The following RAB5A variants were observed in gnomAD, a reference collection of about 807,000 sequenced individuals.
RAB5A encodes the protein RAB5A, member RAS oncogene family, also known as ras-related protein Rab-5A.
RAB5A carries 8 observed loss-of-function variants against 25.7 expected under a neutral mutation model. The observed-to-expected ratio is 0.31, with a 90% CI of 0.18 to 0.56. The LOEUF is 0.56. RAB5A is among the 20% of genes least tolerant of loss of function. The pLI is 0.91. For missense variants in RAB5A, 192 were observed against 259.7 expected (o/e 0.74, Z 1.79); for synonymous variants, 98 against 89.8 (o/e 1.09, Z -0.52).
chr3:19,956,498 G>A (rs561812362), intron 2 of RAB5A, among the ~76,000 whole-genome samples: 1 of 152,190 alleles, frequency 6.6e-6, no homozygotes, highest in Non-Finnish European at 1.5e-5. Flanking sequence ...TAAGTGAAGT[G>A]CTGTTTCTAC....
intron 2 of RAB5A, among the ~76,000 whole-genome samples, chr3:19,969,327 A>G (rs1416339233): frequency 6.6e-6 from 1 of 151,940 alleles, no homozygotes; most frequent in African/African-American, 2.4e-5. Context: ...TACAGGCGTG[A>G]GCCACCATGC....
At chr3:19,948,354 A>G (rs535557226) in intron 1 of RAB5A, among the ~76,000 whole-genome samples, 1 of 152,378 alleles carries the variant, frequency 6.6e-6, no homozygotes, top group East Asian at 1.9e-4. Flanking sequence ...AATACTCAAG[A>G]CTGCTCATAA....
chr3:19,964,557 C>T (rs1696634363), intron 2 of RAB5A, among the ~76,000 whole-genome samples: 1 of 152,228 alleles, frequency 6.6e-6, no homozygotes, highest in African/African-American at 2.4e-5. Flanking sequence ...CTGACTTTAT[C>T]AGTTTATTCT....
chr3:19,982,625 A>G (rs768920531), intron 5 of RAB5A, among the ~76,000 whole-genome samples: 6 of 152,020 alleles, frequency 3.9e-5, no homozygotes, highest in Non-Finnish European at 8.8e-5. Context: ...GAGGCGGAAG[A>G]GTTGCTTGAG....
intron 5 of RAB5A, among the ~76,000 whole-genome samples, chr3:19,982,957 G>A (rs1455033292): frequency 6.6e-6 from 1 of 152,158 alleles, no homozygotes; most frequent in Non-Finnish European, 1.5e-5. Flanking sequence ...GTTTGTGGCA[G>A]TCTAGAGAAC....
Position 19,983,869 on chromosome 3 carries a change from TTAA to T in RAB5A, c.*50_*52del. ...GGAATAGTCTTCTGCTTCCTAAATG[TTAA>T]TAACAATGGAATTGGAGCATTTAAC... On this transcript the variant is annotated 3_prime_UTR_variant, in exon 6 of 6. Transcript: ENST00000273047. The T allele has an allele frequency of 7.7e-7, 1 of 1,297,374 alleles. No homozygotes were observed. Among genetic ancestry groups the T allele is most frequent in the Admixed American group, 1.9e-5 (1 of 52,990 alleles). 80.4% of individuals were successfully genotyped at this position (1,297,374 alleles called of 1,614,324 possible).
intron 4 of RAB5A, among the ~76,000 whole-genome samples, chr3:19,977,163 C>T (rs1331697850): frequency 7.7e-6 from 1 of 130,376 alleles, no homozygotes; most frequent in Non-Finnish European, 1.8e-5. Flanking sequence ...AGCTCCACCT[C>T]CTGGGCTTAC....
At chr3:19,962,916 G>T (rs986712486) in intron 2 of RAB5A, among the ~76,000 whole-genome samples, 9 of 152,046 alleles carry the variant, frequency 5.9e-5, no homozygotes, top group African/African-American at 1.4e-4. Flanking sequence ...GGGCTCAAAT[G>T]ATATTTCCAC....
At chr3:19,978,519 A>G in intron 5 of RAB5A, 116 bp downstream of exon 5, 1 of 652,758 alleles carries the variant, frequency 1.5e-6, no homozygotes, top group Non-Finnish European at 2.8e-6. Context: ...GTGTATGTTT[A>G]TGTGTGTGTG....
rs371472882 is a variant in RAB5A, at chr3:19,964,285, C to T, written c.164-11316C>T. On this transcript the variant is annotated intron_variant, in intron 2 of 5. Transcript: ENST00000273047. ...TATCTATATATCTGTATCTATATAT[C>T]CCTTAAAGCTAAGCTAATTTCCTTA... 2.6e-5 allele frequency among the ~76,000 whole-genome samples: 4 copies of T among 152,214 alleles called. No individual in the cohort carries two copies. The East Asian group carries it at 5.8e-4, about 22-fold the overall frequency.
intron 1 of RAB5A, among the ~76,000 whole-genome samples, chr3:19,948,297 C>T (rs1330752491): frequency 2.0e-5 from 3 of 152,176 alleles, no homozygotes; most frequent in Non-Finnish European, 2.9e-5. Context: ...AGCGTTCAAT[C>T]AGTTGCCTTT....
intron 2 of RAB5A, among the ~76,000 whole-genome samples, chr3:19,956,061 TCTG>T (rs1159126119): frequency 6.6e-6 from 1 of 152,176 alleles, no homozygotes; most frequent in African/African-American, 2.4e-5. Context: ...TCAAGAGTAT[TCTG>T]CTTTTTCTCT....
chr3:19,962,639 A>G (rs538865713), intron 2 of RAB5A, among the ~76,000 whole-genome samples: 102 of 152,184 alleles, frequency 6.7e-4, no homozygotes, highest in Non-Finnish European at 5.9e-4. Context: ...TCTTGGCTGT[A>G]ACAGTATTCC....
intron 1 of RAB5A, among the ~76,000 whole-genome samples, chr3:19,948,693 A>T (rs540463677): frequency 9.9e-5 from 15 of 152,100 alleles, no homozygotes; most frequent in Admixed American, 7.9e-4. Flanking sequence ...AGTAGCCACA[A>T]TTAAGTAGCT....
chr3:19,976,104 A>G lies in RAB5A; in HGVS notation c.373A>G (p.Asn125Asp), dbSNP rs1383291378. 1 of 1,613,462 alleles carries G rather than the reference A, an allele frequency of 6.2e-7. No homozygotes were observed. The highest frequency in any genetic ancestry group is 8.5e-7 in the Non-Finnish European group (1 of 1,179,778). The change falls in exon 4 of 6, where the codon AAC becomes GAC. Residue 125 changes from asparagine to aspartate, a missense_variant. Asn to Asp is a conservative substitution (Grantham distance 23). This residue lies in a region of RAB5A where 121 missense variants were observed against 135.7 expected (regional missense o/e 0.89). Coordinates refer to ENST00000273047, the MANE Select transcript of RAB5A (RefSeq NM_004162.5). ...VKELQRQASP[N>D]IVIALSGNKA... Reference sequence around the variant, plus strand: ...AGAACTTCAGAGGCAAGCAAGTCCTAACATTGTAATAGCTTTATCGGGAAA... The same window carrying G: ...AGAACTTCAGAGGCAAGCAAGTCCTGACATTGTAATAGCTTTATCGGGAAA...
chr3:19,976,118 T>C lies in RAB5A; in HGVS notation c.387T>C (p.Ala129=), dbSNP rs1190306234. 1.2e-6 allele frequency: 2 copies of C among 1,612,672 alleles called. No homozygotes were observed. The highest frequency in any genetic ancestry group is 3.4e-5 in the Admixed American group (2 of 59,698). ...AAGCAAGTCCTAACATTGTAATAGC[T>C]TTATCGGGAAACAAGGCCGACCTAG... The part of the protein sequence containing the change: ...QRQASPNIVI[A]LSGNKADLAN... The change falls in exon 4 of 6, where the codon GCT becomes GCC. Residue 129 remains alanine (A), a synonymous_variant. Coordinates refer to ENST00000273047, the MANE Select transcript of RAB5A (RefSeq NM_004162.5).
intron 1 of RAB5A, among the ~76,000 whole-genome samples, chr3:19,948,844 TAAATA>T (rs1375338221): frequency 6.6e-6 from 1 of 152,180 alleles, no homozygotes; most frequent in African/African-American, 2.4e-5. Context: ...CTTGTTTTCT[TAAATA>T]AAAAGACAAA....
chr3:19,950,910 A>T lies in RAB5A; in HGVS notation c.12A>T (p.Arg4=). ...TTTCAAATTTGGACATGGCTAGTCG[A>T]GGCGCAACAAGACCCAACGGGCCAA... is the stretch of plus-strand genomic sequence containing the variant. MAS[R]GATRPNGPNT... Residue 4 remains arginine, a synonymous_variant, in exon 2 of 6, where the codon CGA becomes CGT. Coordinates refer to ENST00000273047, the MANE Select transcript of RAB5A (RefSeq NM_004162.5). 6 of 1,611,476 alleles carry T rather than the reference A, an allele frequency of 3.7e-6. No individual in the cohort carries two copies. The highest frequency in any genetic ancestry group is 5.1e-6 in the Non-Finnish European group (6 of 1,178,770).
chr3:19,950,381 G>A (rs181892457), intron 1 of RAB5A, among the ~76,000 whole-genome samples: 20 of 152,272 alleles, frequency 1.3e-4, no homozygotes, highest in Admixed American at 6.5e-4. Flanking sequence ...GTTAATCCAA[G>A]TAGCCTGGCT....
Sources: allele counts gnomAD v4.1 joint callset (sites outside exome capture counted in the v4.1 genomes callset), GRCh38; gene constraint gnomAD v4.1.1; regional missense constraint gnomAD v4.1.1; transcripts MANE v1.5; gene names NCBI Gene and HGNC (gene_info 2026-07-23, HGNC 2026-07-21).